Variants in UNC80 observed in about 807,000 individuals in gnomAD.
UNC80 encodes the protein unc-80 subunit of NALCN channel complex.
A neutral mutation model predicts 384.6 loss-of-function variants in UNC80; 164 were observed. That is an observed-to-expected ratio of 0.43 (90% CI 0.38 to 0.49). The LOEUF is 0.49. Ranked by LOEUF, UNC80 falls within the 20% of genes least tolerant of loss-of-function variation. The pLI is 0.00. For missense variants in UNC80, 3,330 were observed against 4,143.0 expected (o/e 0.80, Z 5.39); for synonymous variants, 1,486 against 1,527.8 (o/e 0.97, Z 0.64).
chr2:209,800,653 G>C (rs2370832), intron 7 of UNC80, among the ~76,000 whole-genome samples: 1 of 151,802 alleles, frequency 6.6e-6, no homozygotes, highest in African/African-American at 2.4e-5. Flanking sequence ...GATGTTAGCA[G>C]GTCAATTTTA....
intron 42 of UNC80, among the ~76,000 whole-genome samples, chr2:209,938,084 G>A (rs1049860556): frequency 6.6e-6 from 1 of 151,680 alleles, no homozygotes; most frequent in Admixed American, 6.6e-5. Flanking sequence ...CTTCATCCCA[G>A]TTCTGCCTCT....
chr2:209,781,317 G>A (rs1226917763), intron 4 of UNC80, among the ~76,000 whole-genome samples: 2 of 152,160 alleles, frequency 1.3e-5, no homozygotes, highest in African/African-American at 4.8e-5. Context: ...TTGAGATCCA[G>A]AGAGATAATA....
At chr2:209,807,606 G>A (rs55967055) in intron 7 of UNC80, among the ~76,000 whole-genome samples, 2,205 of 151,726 alleles carry the variant, frequency 0.015, 59 homozygotes, top group African/African-American at 0.05. Flanking sequence ...CTCGTGATCC[G>A]CCTGCCTCAG....
At chr2:209,904,705 A>G in intron 28 of UNC80, 60 bp from the exon 29 acceptor site, 4 of 1,419,690 alleles carry the variant, frequency 2.8e-6, no homozygotes, top group Non-Finnish European at 3.9e-6. Flanking sequence ...CCCCATAGAT[A>G]TGTTCAGTTT....
At chr2:209,917,737 A>G in intron 31 of UNC80, 40 bp from the exon 32 acceptor site, 3 of 1,548,566 alleles carry the variant, frequency 1.9e-6, no homozygotes, top group Non-Finnish European at 2.6e-6. Context: ...ACTAAGCAAT[A>G]TTTTAAAAGC....
At chr2:209,860,192 G>A (rs2083249654) in intron 22 of UNC80, among the ~76,000 whole-genome samples, 1 of 152,084 alleles carries the variant, frequency 6.6e-6, no homozygotes, top group Non-Finnish European at 1.5e-5. Flanking sequence ...AATCCATCTC[G>A]AGTTAATTTT....
Position 209,772,173 on chromosome 2 carries a change from C to A in UNC80, c.92+9C>A. The A allele has an allele frequency of 6.5e-7, 1 of 1,534,960 alleles. No homozygotes were observed. Among genetic ancestry groups the A allele is most frequent in the Non-Finnish European group, 8.8e-7 (1 of 1,139,452 alleles). ...CTGTGGCGGCAAACCAGGTGAGGGG[C>A]GCAGAGGGCGCACCGCGGGCCGCCC... On this transcript the variant is annotated intron_variant, in intron 1 of 64. Coordinates refer to ENST00000673920, the MANE Select transcript of UNC80 (RefSeq NM_001371986.1).
chr2:209,918,341 C>T (rs1296686896), intron 32 of UNC80, among the ~76,000 whole-genome samples, 191 bp from the exon 33 acceptor site: 1 of 152,026 alleles, frequency 6.6e-6, no homozygotes, highest in African/African-American at 2.4e-5. Context: ...AAACTGAGGC[C>T]CAGATAGGTT....
At chr2:209,975,928 C>A (rs142398708) in intron 56 of UNC80, among the ~76,000 whole-genome samples, 191 bp from the exon 57 acceptor site, 2 of 152,288 alleles carry the variant, frequency 1.3e-5, no homozygotes, top group Non-Finnish European at 2.9e-5. Flanking sequence ...AATCAAAACA[C>A]TTAGCATACA....
At chr2:209,975,718 G>A (rs572250164) in intron 56 of UNC80, among the ~76,000 whole-genome samples, 1 of 152,240 alleles carries the variant, frequency 6.6e-6, no homozygotes, top group African/African-American at 2.4e-5. Context: ...TAAGATCCAT[G>A]TTTTAGCTAA....
intron 28 of UNC80, among the ~76,000 whole-genome samples, chr2:209,896,684 G>T (rs1449784679): frequency 1.3e-5 from 2 of 152,162 alleles, no homozygotes; most frequent in African/African-American, 4.8e-5. Context: ...ATGAGGCCAG[G>T]TTGGTGGTCA....
intron 28 of UNC80, among the ~76,000 whole-genome samples, chr2:209,900,899 A>G (rs2087323329): frequency 1.3e-5 from 2 of 152,242 alleles, no homozygotes; most frequent in Non-Finnish European, 1.5e-5. Flanking sequence ...CCAAAGCCCA[A>G]TTCAGAGACT....
chr2:209,913,817 C>T lies in UNC80; in HGVS notation c.4906C>T (p.Pro1636Ser). Reference protein sequence around the residue: ...YIRLQVMSLSPAPLSLLIKAA... With the variant: ...YIRLQVMSLSSAPLSLLIKAA... ...CTTTTCCCAGGTGATGAGCTTGTCG[C>T]CTGCTCCCTTATCTCTGTTAATCAA... The change falls in exon 31 of 65, where the codon CCT becomes TCT. Residue 1636 changes from proline to serine, a missense_variant. Physicochemically the swap from Pro to Ser is moderately conservative, Grantham distance 74. This residue lies in a region of UNC80 where 801 missense variants were observed against 950.8 expected (regional missense o/e 0.84). Coordinates refer to ENST00000673920, the MANE Select transcript of UNC80 (RefSeq NM_001371986.1). 7.7e-6 allele frequency: 12 copies of T among 1,548,466 alleles called. No individual in the cohort carries two copies. The highest frequency in any genetic ancestry group is 1.0e-5 in the Non-Finnish European group (12 of 1,144,486).
At chr2:209,919,653 T>C (rs1670690302) in intron 33 of UNC80, among the ~76,000 whole-genome samples, 1 of 152,218 alleles carries the variant, frequency 6.6e-6, no homozygotes, top group Non-Finnish European at 1.5e-5. Flanking sequence ...TTTGTCGCTT[T>C]CTTTGGAGAA....
chr2:209,805,301 C>A (rs565253799), intron 7 of UNC80, among the ~76,000 whole-genome samples: 4 of 152,222 alleles, frequency 2.6e-5, no homozygotes, highest in Admixed American at 2.0e-4. Context: ...ACACTCCTTA[C>A]TTCTTGTTAA....
intron 35 of UNC80, among the ~76,000 whole-genome samples, chr2:209,923,091 T>A (rs2090161728): frequency 2.0e-5 from 3 of 152,220 alleles, no homozygotes; most frequent in Admixed American, 2.0e-4. Context: ...CATTTCGTAG[T>A]TTGTCTTTTT....
At chr2:209,992,070 G>A (rs2093402429) in intron 61 of UNC80, 96 bp from the exon 62 acceptor site, 1 of 888,494 alleles carries the variant, frequency 1.1e-6, no homozygotes, top group South Asian at 1.8e-5. Flanking sequence ...TATCTTTGAA[G>A]TGACTGTATC....
Position 209,793,653 on chromosome 2 carries a change from G to T in UNC80, c.799-67G>T, listed in dbSNP as rs114777260. On this transcript the variant is annotated intron_variant, in intron 6 of 64. Coordinates refer to ENST00000673920, the MANE Select transcript of UNC80 (RefSeq NM_001371986.1). ...TGTAATATGGTAGCTAATTCTAGAT[G>T]ATATAGCTACAGGGGAAAACAAAAA... 1,006 of 1,572,186 alleles carry T rather than the reference G, an allele frequency of 6.4e-4. 5 individuals are homozygous for T. The African/African-American group carries it at 0.012, about 19-fold the overall frequency.
chr2:209,828,491 A>G (rs1397941756), intron 14 of UNC80, among the ~76,000 whole-genome samples: 1 of 152,148 alleles, frequency 6.6e-6, no homozygotes, highest in East Asian at 1.9e-4. Flanking sequence ...TCCAAGTTTC[A>G]GTCTTTTATA....
Sources: allele counts gnomAD v4.1 joint callset (sites outside exome capture counted in the v4.1 genomes callset), GRCh38; gene constraint gnomAD v4.1.1; regional missense constraint gnomAD v4.1.1; transcripts MANE v1.5; gene names NCBI Gene and HGNC (gene_info 2026-07-23, HGNC 2026-07-21).